Variants in AGAP1 observed in about 807,000 individuals in gnomAD.
AGAP1 encodes arf-GAP with GTPase, ANK repeat and PH domain-containing protein 1.
A neutral mutation model predicts 105.3 loss-of-function variants in AGAP1; 29 were observed. The observed-to-expected ratio is 0.28, with a 90% CI of 0.21 to 0.38. The LOEUF is 0.38. Ranked by LOEUF, AGAP1 falls within the 10% of genes least tolerant of loss-of-function variation. The pLI is 1.00. For synonymous variants in AGAP1, 509 were observed against 485.9 expected (o/e 1.05, Z -0.63); for missense variants, 998 against 1,165.1 (o/e 0.86, Z 2.09).
chr2:236,079,892 C>T (rs2058737758), intron 16 of AGAP1, among the ~76,000 whole-genome samples: 1 of 152,222 alleles, frequency 6.6e-6, no homozygotes, highest in Non-Finnish European at 1.5e-5. Flanking sequence ...TGAGATTTTA[C>T]TTACCTGGCA....
intron 1 of AGAP1, among the ~76,000 whole-genome samples, chr2:235,680,357 G>C (rs892362949): frequency 1.1e-4 from 16 of 152,188 alleles, no homozygotes; most frequent in African/African-American, 3.4e-4. Flanking sequence ...CAGGGCAGGG[G>C]TTTGAGTGTG....
chr2:235,634,099 C>T (rs1458678489), intron 1 of AGAP1, among the ~76,000 whole-genome samples: 3 of 152,176 alleles, frequency 2.0e-5, no homozygotes, highest in South Asian at 2.1e-4. Flanking sequence ...ATGGGGGAAG[C>T]GGTAGCTGAG....
At chr2:235,922,772 G>C (rs2052243770) in intron 11 of AGAP1, among the ~76,000 whole-genome samples, 1 of 152,210 alleles carries the variant, frequency 6.6e-6, no homozygotes, top group African/African-American at 2.4e-5. Context: ...TTTGAGATCA[G>C]TTCAGGCAAC....
chr2:235,715,432 T>C lies in AGAP1; in HGVS notation c.223-2125T>C, dbSNP rs149052211. ...GGGGGTGAGGGGAAAGCAGGGAAGC[T>C]TTCCCAAGAGAAAGTGAAGCCCTCC... On this transcript the variant is annotated intron_variant, in intron 2 of 17. Transcript: ENST00000304032. Among the ~76,000 whole-genome samples the C allele has an allele frequency of 2.3e-3, 352 of 152,156 alleles. 4 individuals carry two copies. The highest frequency in any genetic ancestry group is 0.02 in the East Asian group (103 of 5,158).
rs1950210677 is a variant in AGAP1 at position 235,700,819 on chromosome 2, C to CTG, written c.164-8356_164-8355dup. Reference sequence around the variant, plus strand: ...TGTCTCTGTCTCTCTCTCTCTCTCTCTGTGTATATATAGTATATATTATAT... The same window carrying CTG: ...TGTCTCTGTCTCTCTCTCTCTCTCTCTGTGTGTATATATAGTATATATTATAT... On this transcript the variant is annotated intron_variant, in intron 1 of 17. Transcript: ENST00000304032. This position sits in a 1 kb window ranked among gnomAD's most constrained non-coding sequence, Gnocchi z 6.1. 6.7e-6 allele frequency among the ~76,000 whole-genome samples: 1 copy of CTG among 149,348 alleles called. No individual in the cohort carries two copies. The highest frequency in any genetic ancestry group is 1.5e-5 in the Non-Finnish European group (1 of 67,602).
chr2:236,027,113 T>C lies in AGAP1; in HGVS notation c.1646-9448T>C, dbSNP rs1400531305. On this transcript the variant is annotated intron_variant, in intron 13 of 17. Coordinates refer to ENST00000304032, the MANE Select transcript of AGAP1 (RefSeq NM_001037131.3). This position sits in a 1 kb window ranked among gnomAD's most constrained non-coding sequence, Gnocchi z 4.4. ...TAAACAGATTTCTTCCTGGAAGTTG[T>C]AACATGACTATGCAGTTGCTCTATA... Among the ~76,000 whole-genome samples the C allele has an allele frequency of 1.3e-5, 2 of 152,230 alleles. No homozygotes were observed.
intron 9 of AGAP1, among the ~76,000 whole-genome samples, chr2:235,876,407 C>T (rs977969907): frequency 1.3e-5 from 2 of 152,158 alleles, no homozygotes; most frequent in African/African-American, 2.4e-5. Flanking sequence ...CCGGCCCTTG[C>T]GTGCTAAACC....
intron 9 of AGAP1, among the ~76,000 whole-genome samples, chr2:235,819,500 A>G (rs1193694438): frequency 6.6e-6 from 1 of 152,128 alleles, no homozygotes; most frequent in Non-Finnish European, 1.5e-5. Context: ...AGGCACATGG[A>G]GTCACTTAGG....
At chr2:235,955,188 C>T (rs1188491045) in intron 12 of AGAP1, among the ~76,000 whole-genome samples, 2 of 152,112 alleles carry the variant, frequency 1.3e-5, no homozygotes, top group South Asian at 2.1e-4. Flanking sequence ...GAGCTGCCTT[C>T]GAGTCTGTGC....
At chr2:235,839,910 A>T (rs1027746760) in intron 9 of AGAP1, among the ~76,000 whole-genome samples, 3 of 152,232 alleles carry the variant, frequency 2.0e-5, no homozygotes, top group Admixed American at 6.5e-5. Context: ...AGACTCTTAT[A>T]AAGAATTACG....
rs539160212 is a variant in AGAP1, at chr2:235,576,725, C to T, written c.163+81876C>T. The stretch of plus-strand genomic sequence containing the variant: ...TGGGCCCCCTCTGAGGGAGGACTGT[C>T]GCCCCTGCTGCTGGGAGCATCATTA... On this transcript the variant is annotated intron_variant, in intron 1 of 17. Transcript: ENST00000304032. Among the ~76,000 whole-genome samples, 12 of 152,366 alleles carry T rather than the reference C, an allele frequency of 7.9e-5. No individual in the cohort carries two copies. The South Asian group carries it at 1.9e-3, about 24-fold the overall frequency.
In AGAP1 at chr2:236,014,628, G is replaced by A. The variant is rs1481791716; in HGVS notation, c.1646-21933G>A. 2.0e-5 allele frequency among the ~76,000 whole-genome samples: 3 copies of A among 152,156 alleles called. No individual in the cohort carries two copies. The highest frequency in any genetic ancestry group is 4.4e-5 in the Non-Finnish European group (3 of 68,036). On this transcript the variant is annotated intron_variant, in intron 13 of 17. Coordinates refer to ENST00000304032, the MANE Select transcript of AGAP1 (RefSeq NM_001037131.3). This position sits in a 1 kb window ranked among gnomAD's most constrained non-coding sequence, Gnocchi z 6.3. ...TCCTGAGTTCCTCTGTTCACCGCAG[G>A]GGAGTTGGAGGGCTCAGCCCAGGGA...
In AGAP1 at chr2:235,768,376, A is replaced by G. The variant is rs544138133; in HGVS notation, c.673+17888A>G. Among the ~76,000 whole-genome samples, 12 of 152,370 alleles carry G rather than the reference A, an allele frequency of 7.9e-5. No homozygotes were observed. The South Asian group carries it at 2.5e-3, about 32-fold the overall frequency. On this transcript the variant is annotated intron_variant, in intron 6 of 17. Coordinates refer to ENST00000304032, the MANE Select transcript of AGAP1 (RefSeq NM_001037131.3). Reference sequence around the variant, plus strand: ...AAACATTTTCTCTATCAGAATATGTACAAATTGAATGTCTAGAATTTATAA... The same window carrying G: ...AAACATTTTCTCTATCAGAATATGTGCAAATTGAATGTCTAGAATTTATAA...
chr2:236,099,606 C>G lies in AGAP1; in HGVS notation c.2115-20586C>G, dbSNP rs116616695. Among the ~76,000 whole-genome samples the G allele has an allele frequency of 8.2e-3, 1,251 of 152,292 alleles. 11 individuals carry two copies. Among genetic ancestry groups the G allele is most frequent in the African/African-American group, 0.027 (1,135 of 41,554 alleles). On this transcript the variant is annotated intron_variant, in intron 16 of 17. Coordinates refer to ENST00000304032, the MANE Select transcript of AGAP1 (RefSeq NM_001037131.3). Reference sequence around the variant, plus strand: ...TCAGAATTGCCCTACAGATTCAAAACTGGCTTTCTGAGAACCTCACTATAT... The same window carrying G: ...TCAGAATTGCCCTACAGATTCAAAAGTGGCTTTCTGAGAACCTCACTATAT...
At position 235,910,863 on chromosome 2, in the gene AGAP1, C is replaced by T. The variant is rs182363688; in HGVS notation, c.1324+1957C>T. ...ACCCAGGAGGTGGAGTGCAGTGAGCCGAGATCGCACCACTGCACTCCAGCC... is the reference window on the plus strand; with the variant it reads ...ACCCAGGAGGTGGAGTGCAGTGAGCTGAGATCGCACCACTGCACTCCAGCC... On this transcript the variant is annotated intron_variant, in intron 11 of 17. Coordinates refer to ENST00000304032, the MANE Select transcript of AGAP1 (RefSeq NM_001037131.3). 7.3e-3 allele frequency among the ~76,000 whole-genome samples: 1,106 copies of T among 151,146 alleles called. 5 individuals are homozygous for T. Among genetic ancestry groups the T allele is most frequent in the Middle Eastern group, 0.017 (5 of 292 alleles).
chr2:235,675,577 G>GCTT (rs1948695796), intron 1 of AGAP1, among the ~76,000 whole-genome samples: 1 of 152,168 alleles, frequency 6.6e-6, no homozygotes, highest in Non-Finnish European at 1.5e-5. Context: ...ATTATCTACA[G>GCTT]TGTTTTGTTG....
rs968421370 is a variant in AGAP1, at chr2:235,725,992, T to G, written c.310+8348T>G. On this transcript the variant is annotated intron_variant, in intron 3 of 17. Coordinates refer to ENST00000304032, the MANE Select transcript of AGAP1 (RefSeq NM_001037131.3). The surrounding 1 kb of genome is among the most constrained non-coding windows in gnomAD (Gnocchi z 5.7). ...CAGAATAAGGAGATAGTCATGTTTTTGGCATTGATGAAATTGGCAGGACAA... is the reference window on the plus strand; with the variant it reads ...CAGAATAAGGAGATAGTCATGTTTTGGGCATTGATGAAATTGGCAGGACAA... Among the ~76,000 whole-genome samples, 7 of 152,230 alleles carry G rather than the reference T, an allele frequency of 4.6e-5. No individual in the cohort carries two copies. Among genetic ancestry groups the G allele is most frequent in the African/African-American group, 1.7e-4 (7 of 41,460 alleles).
At position 235,973,374 on chromosome 2, in the gene AGAP1, AT is replaced by A. The variant is rs2054731996; in HGVS notation, c.1645+4755del. On this transcript the variant is annotated intron_variant, in intron 13 of 17. Transcript: ENST00000304032. This position sits in a 1 kb window ranked among gnomAD's most constrained non-coding sequence, Gnocchi z 4.7. ...GAGAATCCCTTATCTTTTTGTGTAT[AT>A]TTTGGGTTCTGAGGATTACCAGGAG... is the stretch of plus-strand genomic sequence containing the variant. 6.6e-6 allele frequency among the ~76,000 whole-genome samples: 1 copy of A among 152,124 alleles called. No homozygotes were observed.
intron 1 of AGAP1, among the ~76,000 whole-genome samples, chr2:235,686,194 A>G (rs540379146): frequency 2.6e-5 from 4 of 152,100 alleles, no homozygotes; most frequent in African/African-American, 9.7e-5. Flanking sequence ...AGTCCCCCCA[A>G]GTGGTAGCTG....
Sources: allele counts gnomAD v4.1 joint callset (sites outside exome capture counted in the v4.1 genomes callset), GRCh38; gene constraint gnomAD v4.1.1; non-coding constraint Gnocchi (gnomAD v3.1); transcripts MANE v1.5; gene names NCBI Gene and HGNC (gene_info 2026-07-23, HGNC 2026-07-21).